Variants in SGSM1 observed in about 807,000 individuals in gnomAD.
The protein encoded by SGSM1 is small G protein signaling modulator 1.
In SGSM1, 73 loss-of-function variants were observed where a neutral mutation model predicts 133.8. The ratio of observed to expected loss-of-function variants is 0.55; its 90% CI spans 0.45 to 0.66. The LOEUF is 0.66. SGSM1 is among the 30% of genes least tolerant of loss of function. The pLI is 0.00. For synonymous variants in SGSM1, 563 were observed against 573.0 expected, an observed-to-expected ratio of 0.98 and a Z score of 0.25; for missense variants, 1,213 against 1,448.1, an observed-to-expected ratio of 0.84 and a Z score of 2.64.
In SGSM1 at chr22:24,905,066, G is replaced by A. The variant is rs774827401; in HGVS notation, c.2736-39G>A. On this transcript the variant is annotated intron_variant, in intron 20 of 24. Transcript: ENST00000400358. The stretch of plus-strand genomic sequence containing the variant: ...AAGGTGGAGTGGGTTGGAGAGGCAG[G>A]CCACGGCTGCCATCATTGGCCCCTT... 10 of 1,582,514 alleles carry A rather than the reference G, an allele frequency of 6.3e-6. No individual in the cohort carries two copies. The Admixed American group carries it at 1.2e-4, about 18-fold the overall frequency.
intron 14 of SGSM1, among the ~76,000 whole-genome samples, chr22:24,882,009 T>TGG (rs199879551): frequency 6.6e-6 from 1 of 150,870 alleles, no homozygotes; most frequent in African/African-American, 2.4e-5. Flanking sequence ...GTTACTGACT[T>TGG]GGGGGGGGGC....
chr22:24,833,846 A>G (rs1929269358), intron 2 of SGSM1, among the ~76,000 whole-genome samples: 1 of 152,220 alleles, frequency 6.6e-6, no homozygotes, highest in African/African-American at 2.4e-5. Flanking sequence ...GGCCAGAGGA[A>G]TAAGTGGGGA....
chr22:24,864,774 C>T (rs548736279), intron 9 of SGSM1, among the ~76,000 whole-genome samples: 2 of 152,336 alleles, frequency 1.3e-5, no homozygotes, highest in African/African-American at 4.8e-5. Context: ...CAAATCTGTA[C>T]ATTTACTCAT....
At chr22:24,848,660 G>A (rs1422650494) in intron 4 of SGSM1, among the ~76,000 whole-genome samples, 2 of 152,254 alleles carry the variant, frequency 1.3e-5, no homozygotes, top group Non-Finnish European at 2.9e-5. Context: ...TTCGGTGCTG[G>A]TGGCTTCCCA....
rs142398241 is a variant in SGSM1, at chr22:24,839,881, A to G, written c.64-5016A>G. On this transcript the variant is annotated intron_variant, in intron 2 of 24. Coordinates refer to ENST00000400358, the MANE Select transcript of SGSM1 (RefSeq NM_001098497.3). The stretch of plus-strand genomic sequence containing the variant: ...TGAGAATTCTTTTTTTTCTTAGTCA[A>G]TCTTGCTAATGGTTTGTCAGTTTTG... 5.1e-3 allele frequency among the ~76,000 whole-genome samples: 755 copies of G among 148,238 alleles called. 1 individual carries two copies. The highest frequency in any genetic ancestry group is 0.014 in the Middle Eastern group (4 of 282).
chr22:24,870,612 G>T (rs79599399), intron 12 of SGSM1, among the ~76,000 whole-genome samples: 50 of 152,324 alleles, frequency 3.3e-4, no homozygotes, highest in South Asian at 2.9e-3. Flanking sequence ...CCCATTCTGT[G>T]CATGCTATTC....
At chr22:24,915,407 T>C (rs1933789195) in intron 22 of SGSM1, among the ~76,000 whole-genome samples, 1 of 152,176 alleles carries the variant, frequency 6.6e-6, no homozygotes, top group Non-Finnish European at 1.5e-5. Context: ...CTTAAAGTGA[T>C]TGTACTAGTT....
At chr22:24,888,178 C>CAAATTTTT (rs1200991561) in intron 16 of SGSM1, among the ~76,000 whole-genome samples, 1 of 152,082 alleles carries the variant, frequency 6.6e-6, no homozygotes, top group African/African-American at 2.4e-5. Context: ...TTCTGCAAAA[C>CAAATTTTT]AAATTTTTAA....
chr22:24,837,576 A>C (rs986555933), intron 2 of SGSM1, among the ~76,000 whole-genome samples: 1 of 61,148 alleles, frequency 1.6e-5, no homozygotes, highest in African/African-American at 1.2e-4. Flanking sequence ...GGGGAAAGGG[A>C]GACCCCCCCC....
At chr22:24,845,190 G>T (rs977331552) in intron 3 of SGSM1, among the ~76,000 whole-genome samples, 2 of 152,130 alleles carry the variant, frequency 1.3e-5, no homozygotes, top group African/African-American at 2.4e-5. Flanking sequence ...CACCAGAGGG[G>T]TTGTCTTCCT....
chr22:24,817,852 TCTTC>T (rs1387491918), intron 2 of SGSM1, among the ~76,000 whole-genome samples: 1 of 152,220 alleles, frequency 6.6e-6, no homozygotes, highest in Non-Finnish European at 1.5e-5. Context: ...GTGAGGGCCT[TCTTC>T]CTTTTTGCAC....
intron 21 of SGSM1, among the ~76,000 whole-genome samples, chr22:24,906,577 TTGAAA>T (rs576844225): frequency 1.3e-5 from 2 of 152,338 alleles, no homozygotes; most frequent in African/African-American, 4.8e-5. Context: ...TTCCATACAC[TTGAAA>T]TGAACAATCC....
At chr22:24,858,939 C>T (rs1001766542) in intron 8 of SGSM1, among the ~76,000 whole-genome samples, 2 of 152,230 alleles carry the variant, frequency 1.3e-5, no homozygotes. Flanking sequence ...GCAGCCACGT[C>T]ACAGTTGTGA....
rs1932670517 is a variant in SGSM1 at position 24,887,298 on chromosome 22, T to C, written c.1770+570T>C. ...CCTAATTCCTGGCAACCACTAATCA[T>C]ATGTTCTTCATTTCTATAATTTTGT... On this transcript the variant is annotated intron_variant, in intron 16 of 24. Coordinates refer to ENST00000400358, the MANE Select transcript of SGSM1 (RefSeq NM_001098497.3). Among the ~76,000 whole-genome samples, 12 of 152,290 alleles carry C rather than the reference T, an allele frequency of 7.9e-5. No homozygotes were observed. In the South Asian group the frequency reaches 2.5e-3, roughly 32 times the overall value.
intron 23 of SGSM1, among the ~76,000 whole-genome samples, chr22:24,919,360 T>A (rs1933928344): frequency 6.6e-6 from 1 of 152,150 alleles, no homozygotes; most frequent in South Asian, 2.1e-4. Context: ...AAAGGCTTGC[T>A]TTGAACCGTT....
chr22:24,844,597 G>T (rs912462073), intron 2 of SGSM1: 2 of 304,362 alleles, frequency 6.6e-6, no homozygotes, highest in Non-Finnish European at 1.2e-5. Context: ...GTGGGGAGGG[G>T]TCTGCCTTAG....
At chr22:24,867,277 C>A (rs981473382) in intron 10 of SGSM1, 117 bp downstream of exon 10, 2 of 944,944 alleles carry the variant, frequency 2.1e-6, no homozygotes, top group Non-Finnish European at 1.7e-6. Flanking sequence ...CCCCATGTTA[C>A]CTGTGCAACC....
intron 16 of SGSM1, among the ~76,000 whole-genome samples, chr22:24,889,208 C>T (rs1233146401): frequency 2.6e-5 from 4 of 152,164 alleles, no homozygotes; most frequent in Non-Finnish European, 5.9e-5. Flanking sequence ...GATCCGCCTG[C>T]CTTGGCCTCC....
chr22:24,810,622 G>A (rs980207891), intron 2 of SGSM1, among the ~76,000 whole-genome samples: 2 of 152,180 alleles, frequency 1.3e-5, no homozygotes, highest in African/African-American at 4.8e-5. Flanking sequence ...CTCTGGGCTG[G>A]GCCTAGAAAG....
Sources: allele counts gnomAD v4.1 joint callset (sites outside exome capture counted in the v4.1 genomes callset), GRCh38; gene constraint gnomAD v4.1.1; transcripts MANE v1.5; gene names NCBI Gene and HGNC (gene_info 2026-07-23, HGNC 2026-07-21).